Variants in GPATCH2 observed in about 807,000 individuals in gnomAD.
The protein encoded by GPATCH2 is G patch domain-containing protein 2.
GPATCH2 carries 51 observed loss-of-function variants against 58.0 expected under a neutral mutation model. The observed-to-expected ratio is 0.88, with a 90% confidence interval of 0.70 to 1.11. GPATCH2 has a LOEUF of 1.11. Ranked by LOEUF, GPATCH2 falls within the 50% of genes most tolerant of loss-of-function variation. GPATCH2 has a pLI of 0.00. For synonymous variants in GPATCH2, 222 were observed against 218.5 expected, an observed-to-expected ratio of 1.02 and a Z score of -0.14; for missense variants, 625 against 652.2, an observed-to-expected ratio of 0.96 and a Z score of 0.45.
chr1:217,527,986 T>C (rs1192285769), intron 5 of GPATCH2, among the ~76,000 whole-genome samples: 1 of 152,204 alleles, frequency 6.6e-6, no homozygotes, highest in Non-Finnish European at 1.5e-5. Flanking sequence ...AAGCCCAAAT[T>C]AGCAAATGTG....
At chr1:217,476,036 G>C (rs565677775) in intron 8 of GPATCH2, among the ~76,000 whole-genome samples, 1 of 152,114 alleles carries the variant, frequency 6.6e-6, no homozygotes, top group East Asian at 1.9e-4. Context: ...AACTAACTGA[G>C]AGGTGTTTAA....
chr1:217,451,936 T>G (rs1262383913), intron 8 of GPATCH2, among the ~76,000 whole-genome samples: 1 of 152,164 alleles, frequency 6.6e-6, no homozygotes, highest in African/African-American at 2.4e-5. Context: ...AATTTCTGAG[T>G]GATAAAGAGT....
At chr1:217,630,868 A>T in intron 1 of GPATCH2, 48 bp downstream of exon 1, 10 of 1,415,478 alleles carry the variant, frequency 7.1e-6, no homozygotes, top group Non-Finnish European at 8.7e-6. Context: ...GGCCTCGGGC[A>T]ATCACACCCT....
At chr1:217,548,618 C>T (rs566708185) in intron 5 of GPATCH2, among the ~76,000 whole-genome samples, 8 of 152,184 alleles carry the variant, frequency 5.3e-5, no homozygotes, top group Non-Finnish European at 1.2e-4. Context: ...TTGGCTGTGT[C>T]CCCACCCAAA....
intron 2 of GPATCH2, among the ~76,000 whole-genome samples, chr1:217,617,895 TGA>T (rs1355252113): frequency 4.6e-5 from 7 of 151,950 alleles, no homozygotes; most frequent in South Asian, 2.1e-4. Flanking sequence ...AAATGAAAAA[TGA>T]GAGTTTGATC....
intron 5 of GPATCH2, among the ~76,000 whole-genome samples, chr1:217,571,968 GGAAA>G (rs1297188328): frequency 2.1e-4 from 27 of 129,120 alleles, no homozygotes; most frequent in Admixed American, 1.3e-3. Context: ...AAGGAAGGAA[GGAAA>G]GAAAGAAAGA....
chr1:217,514,285 G>C (rs1451356690), intron 6 of GPATCH2, among the ~76,000 whole-genome samples: 1 of 151,450 alleles, frequency 6.6e-6, no homozygotes, highest in Non-Finnish European at 1.5e-5. Context: ...TCAGCCTCCT[G>C]AGTAGCTGGG....
intron 5 of GPATCH2, among the ~76,000 whole-genome samples, chr1:217,515,182 G>A (rs1011646528): frequency 5.3e-5 from 8 of 150,656 alleles, no homozygotes; most frequent in East Asian, 2.0e-4. Flanking sequence ...TGCAAGCTCC[G>A]CCTCCCAGGT....
chr1:217,458,131 G>A (rs1316899785), intron 8 of GPATCH2, among the ~76,000 whole-genome samples: 1 of 152,222 alleles, frequency 6.6e-6, no homozygotes, highest in Non-Finnish European at 1.5e-5. Context: ...TCCGGAGGCT[G>A]AGGCAGGAGA....
intron 1 of GPATCH2, 21 bp downstream of exon 1, chr1:217,630,894 TC>T: frequency 6.4e-7 from 1 of 1,572,010 alleles, no homozygotes; most frequent in Non-Finnish European, 8.6e-7. Context: ...GACCTCCCCC[TC>T]CCCAGGGCCG....
At chr1:217,494,334 C>T (rs2102538860) in intron 7 of GPATCH2, among the ~76,000 whole-genome samples, 1 of 152,302 alleles carries the variant, frequency 6.6e-6, no homozygotes, top group African/African-American at 2.4e-5. Flanking sequence ...GATAAAACTA[C>T]AGAGATCTCT....
intron 6 of GPATCH2, among the ~76,000 whole-genome samples, chr1:217,499,681 T>C (rs932274978): frequency 2.0e-5 from 3 of 152,034 alleles, no homozygotes; most frequent in African/African-American, 7.2e-5. Context: ...AATCTTTCAT[T>C]GTAGTTCCTC....
chr1:217,620,557 T>A lies in GPATCH2; in HGVS notation c.57-58A>T, dbSNP rs1026956728. The A allele has an allele frequency of 5.2e-6, 5 of 965,286 alleles. No homozygotes were observed. The African/African-American group carries it at 8.2e-5, about 16-fold the overall frequency. 59.8% of individuals were successfully genotyped at this position (965,286 alleles called of 1,614,324 possible). A position where few individuals can be genotyped will look rare whatever the true frequency, so the allele number is the denominator to read the frequency against. On this transcript the variant is annotated intron_variant, in intron 1 of 9. Transcript: ENST00000366935. ...GTCAGTCTTAACCACAGTAACCTCATTTTCTATAACAGACAATTCATTCTA... is the reference window on the plus strand; with the variant it reads ...GTCAGTCTTAACCACAGTAACCTCAATTTCTATAACAGACAATTCATTCTA...
chr1:217,555,924 G>A (rs1158953204), intron 5 of GPATCH2, among the ~76,000 whole-genome samples: 4 of 152,060 alleles, frequency 2.6e-5, no homozygotes, highest in African/African-American at 9.7e-5. Flanking sequence ...GAGACATACA[G>A]GTCATACTCC....
At chr1:217,433,466 G>A (rs1006545393) in intron 9 of GPATCH2, among the ~76,000 whole-genome samples, 13 of 150,632 alleles carry the variant, frequency 8.6e-5, no homozygotes, top group African/African-American at 3.2e-4. Flanking sequence ...GTGAAATCTT[G>A]GCTTACTGCA....
intron 5 of GPATCH2, among the ~76,000 whole-genome samples, chr1:217,551,926 T>C (rs146758047): frequency 5.6e-4 from 85 of 152,270 alleles, no homozygotes; most frequent in African/African-American, 1.9e-3. Context: ...TCAGTTATCA[T>C]AGCCTTGGAT....
chr1:217,612,846 T>C (rs1214097882), intron 3 of GPATCH2, among the ~76,000 whole-genome samples: 1 of 152,146 alleles, frequency 6.6e-6, no homozygotes, highest in Admixed American at 6.5e-5. Context: ...TCTATTAGAG[T>C]CAGTTTCTTC....
At chr1:217,508,071 A>T (rs930489570) in intron 6 of GPATCH2, among the ~76,000 whole-genome samples, 2 of 152,136 alleles carry the variant, frequency 1.3e-5, no homozygotes, top group Non-Finnish European at 2.9e-5. Context: ...AGCACCTTGT[A>T]AAAATATATA....
At chr1:217,574,476 G>A (rs1666714235) in intron 5 of GPATCH2, among the ~76,000 whole-genome samples, 1 of 152,152 alleles carries the variant, frequency 6.6e-6, no homozygotes, top group Admixed American at 6.5e-5. Context: ...ATGACATTCA[G>A]CAACTGGGTT....
Sources: gnomAD v4.1 joint callset for allele counts (sites outside exome capture counted in the v4.1 genomes callset) on GRCh38, gnomAD v4.1.1 for gene constraint, MANE v1.5 for transcripts, NCBI Gene and HGNC (gene_info 2026-07-23, HGNC 2026-07-21) for gene names.